FSHR: variants seen among roughly 807,000 people sequenced by gnomAD.
FSHR encodes follicle stimulating hormone receptor, also known as follicle-stimulating hormone receptor.
Under a neutral mutation model 52.1 loss-of-function variants are expected in FSHR, and 46 were observed. The ratio of observed to expected loss-of-function variants is 0.88; its 90% CI spans 0.70 to 1.13. The LOEUF (loss-of-function observed/expected upper bound fraction) is 1.13. FSHR is among the 50% of genes most tolerant of loss of function. FSHR has a pLI of 0.00. For missense variants in FSHR, 964 were observed against 834.6 expected, an observed-to-expected ratio of 1.16 and a Z score of -1.91; for synonymous variants, 399 against 309.6, an observed-to-expected ratio of 1.29 and a Z score of -3.03.
chr2:49,080,381 C>G (rs1389384763), intron 1 of FSHR, among the ~76,000 whole-genome samples: 1 of 152,102 alleles, frequency 6.6e-6, no homozygotes, highest in African/African-American at 2.4e-5. Flanking sequence ...TGGGGTCAGA[C>G]AAAACATTAA....
intron 8 of FSHR, among the ~76,000 whole-genome samples, chr2:48,982,555 T>C (rs542707596): frequency 1.6e-4 from 24 of 152,176 alleles, no homozygotes; most frequent in Admixed American, 4.6e-4. Flanking sequence ...TAACCTTGAG[T>C]GGGTGAATTA....
At chr2:49,070,198 A>G (rs1347406247) in intron 1 of FSHR, among the ~76,000 whole-genome samples, 2 of 152,184 alleles carry the variant, frequency 1.3e-5, no homozygotes, top group Admixed American at 6.6e-5. Context: ...AAGATGAGAA[A>G]GATTCCAAAA....
In FSHR at chr2:49,064,123, CAT is replaced by C. The variant is rs575523820; in HGVS notation, c.224+4094_224+4095del. 2.3e-4 allele frequency among the ~76,000 whole-genome samples: 35 copies of C among 151,430 alleles called. 1 individual carries two copies. In the South Asian group the frequency reaches 6.9e-3, roughly 30 times the overall value. ...ATGGTGGGGCAAATATGGAAGATGA[CAT>C]AATCAGTTATGAATTTAGAAAATAT... On this transcript the variant is annotated intron_variant, in intron 2 of 9. Transcript: ENST00000406846.
intron 1 of FSHR, among the ~76,000 whole-genome samples, chr2:49,134,075 A>G (rs1025044340): frequency 2.0e-5 from 3 of 152,210 alleles, no homozygotes; most frequent in South Asian, 2.1e-4. Context: ...AATGGGATCT[A>G]ATTAGACTAA....
chr2:48,983,649 A>C (rs897828852), intron 6 of FSHR, among the ~76,000 whole-genome samples: 3 of 152,220 alleles, frequency 2.0e-5, no homozygotes, highest in Non-Finnish European at 2.9e-5. Flanking sequence ...CCTGGCTGTC[A>C]TCAAAAGTGA....
chr2:49,058,081 G>C (rs1669131106), intron 2 of FSHR, among the ~76,000 whole-genome samples: 1 of 152,130 alleles, frequency 6.6e-6, no homozygotes, highest in African/African-American at 2.4e-5. Flanking sequence ...AGGAAAAGCT[G>C]AAAGCTTTTT....
At chr2:49,061,320 G>C (rs760592773) in intron 2 of FSHR, among the ~76,000 whole-genome samples, 1 of 151,878 alleles carries the variant, frequency 6.6e-6, no homozygotes, top group Non-Finnish European at 1.5e-5. Context: ...CCTCTCACCT[G>C]TAAAGACAAA....
intron 1 of FSHR, among the ~76,000 whole-genome samples, chr2:49,152,118 A>G (rs1673084115): frequency 6.6e-6 from 1 of 152,088 alleles, no homozygotes; most frequent in Admixed American, 6.6e-5. Flanking sequence ...GCTCTTAACT[A>G]TACTCATTCC....
At position 49,145,843 on chromosome 2, in the gene FSHR, A is replaced by G. The variant is rs190475581; in HGVS notation, c.152+8423T>C. 3.6e-3 allele frequency among the ~76,000 whole-genome samples: 544 copies of G among 152,214 alleles called. 2 individuals are homozygous for G. The highest frequency in any genetic ancestry group is 0.012 in the African/African-American group (499 of 41,554). On this transcript the variant is annotated intron_variant, in intron 1 of 9. Coordinates refer to ENST00000406846, the MANE Select transcript of FSHR (RefSeq NM_000145.4). Reference sequence around the variant, plus strand: ...AAAGAAAACTTCATGAAAAATGAGCATCTTTTCTTTGGTATCAAAGGTGAG... The same window carrying G: ...AAAGAAAACTTCATGAAAAATGAGCGTCTTTTCTTTGGTATCAAAGGTGAG...
chr2:49,093,700 TC>T (rs1237457106), intron 1 of FSHR, among the ~76,000 whole-genome samples: 11 of 151,050 alleles, frequency 7.3e-5, no homozygotes, highest in African/African-American at 2.7e-4. Flanking sequence ...GTTCAAGCGA[TC>T]CTCCCGCCTC....
intron 1 of FSHR, among the ~76,000 whole-genome samples, chr2:49,093,146 G>C (rs1260554119): frequency 6.6e-6 from 1 of 151,818 alleles, no homozygotes; most frequent in Non-Finnish European, 1.5e-5. Context: ...TACTATTTCT[G>C]TCTAATTTTG....
At chr2:49,064,121 G>T (rs977646626) in intron 2 of FSHR, among the ~76,000 whole-genome samples, 6 of 151,704 alleles carry the variant, frequency 4.0e-5, no homozygotes, top group Admixed American at 4.0e-4. Context: ...TATGGAAGAT[G>T]ACATAATCAG....
At chr2:49,011,559 G>A (rs1309389673) in intron 4 of FSHR, among the ~76,000 whole-genome samples, 1 of 152,130 alleles carries the variant, frequency 6.6e-6, no homozygotes, top group Non-Finnish European at 1.5e-5. Context: ...TTGGTGCAGA[G>A]CTGAGTTCAA....
At chr2:49,144,935 C>T (rs1489765377) in intron 1 of FSHR, among the ~76,000 whole-genome samples, 1 of 152,054 alleles carries the variant, frequency 6.6e-6, no homozygotes, top group African/African-American at 2.4e-5. Flanking sequence ...TCTGTAATTC[C>T]TTATTACTGT....
At chr2:48,969,874 G>T (rs1277729678) in intron 8 of FSHR, among the ~76,000 whole-genome samples, 1 of 152,188 alleles carries the variant, frequency 6.6e-6, no homozygotes, top group South Asian at 2.1e-4. Context: ...ACCAAGACCG[G>T]CTGGTGAGAA....
rs535251733 is a variant in FSHR at position 49,034,278 on chromosome 2, G to C, written c.225-14118C>G. On this transcript the variant is annotated intron_variant, in intron 2 of 9. Coordinates refer to ENST00000406846, the MANE Select transcript of FSHR (RefSeq NM_000145.4). The stretch of plus-strand genomic sequence containing the variant: ...ATGAGAGCTAGAGCTCATGAAAGCT[G>C]GTGAGATGAGGCCTTGGATTTTCAG... Among the ~76,000 whole-genome samples, 10 of 152,284 alleles carry C rather than the reference G, an allele frequency of 6.6e-5. No homozygotes were observed. In the South Asian group the frequency reaches 1.9e-3, roughly 28 times the overall value.
At chr2:49,018,393 C>T (rs1258918001) in intron 3 of FSHR, among the ~76,000 whole-genome samples, 2 of 152,208 alleles carry the variant, frequency 1.3e-5, no homozygotes, top group Admixed American at 6.5e-5. Context: ...TACTTCCTCC[C>T]TGTTTCATTA....
chr2:48,992,190 T>C (rs963413945), intron 4 of FSHR, among the ~76,000 whole-genome samples: 2 of 152,140 alleles, frequency 1.3e-5, no homozygotes, highest in Non-Finnish European at 2.9e-5. Flanking sequence ...GCTAAAAAAT[T>C]ATATACAGAA....
At chr2:49,083,148 C>T (rs546499543) in intron 1 of FSHR, among the ~76,000 whole-genome samples, 43 of 151,908 alleles carry the variant, frequency 2.8e-4, no homozygotes, top group African/African-American at 7.2e-4. Context: ...GCAGATCTCT[C>T]GGCAGAAACT....
Sources: gnomAD v4.1 joint callset for allele counts (sites outside exome capture counted in the v4.1 genomes callset) on GRCh38, gnomAD v4.1.1 for gene constraint, MANE v1.5 for transcripts, NCBI Gene and HGNC (gene_info 2026-07-23, HGNC 2026-07-21) for gene names.